Variants in CLCA2 observed in about 807,000 individuals in gnomAD.
CLCA2 encodes the protein chloride channel accessory 2.
In CLCA2, 85 loss-of-function variants were observed where a neutral mutation model predicts 82.9. That is an observed-to-expected ratio of 1.03 (90% CI 0.86 to 1.23). The LOEUF (loss-of-function observed/expected upper bound fraction) is 1.23, where lower values mean the gene tolerates loss of function less well. Among genes scored for constraint, CLCA2 ranks in the 50% most tolerant of loss-of-function variants. CLCA2 has a pLI of 0.00. For synonymous variants in CLCA2, 421 were observed against 391.7 expected (o/e 1.07, Z -0.88); for missense variants, 1,089 against 1,124.8 (o/e 0.97, Z 0.45).
At chr1:86,439,157 T>C in intron 7 of CLCA2, 51 bp downstream of exon 7, 1 of 1,553,334 alleles carries the variant, frequency 6.4e-7, no homozygotes, top group Non-Finnish European at 8.9e-7. Context: ...CCTTTCCCTC[T>C]TTTAGTATAC....
chr1:86,447,311 T>C (rs1662872049), intron 10 of CLCA2, among the ~76,000 whole-genome samples, 197 bp from the exon 11 acceptor site: 1 of 152,218 alleles, frequency 6.6e-6, no homozygotes, highest in Non-Finnish European at 1.5e-5. Context: ...AGGTGACTTA[T>C]GCTATGAAAG....
rs1662483944 is a variant in CLCA2, at chr1:86,430,870, T to C, written c.484T>C (p.Phe162Leu). The C allele has an allele frequency of 6.2e-7, 1 of 1,613,182 alleles. No homozygotes were observed. Among genetic ancestry groups the C allele is most frequent in the East Asian group, 2.2e-5 (1 of 44,862 alleles). Reference protein sequence around the residue: ...TAGYGSRGRVFVHEWAHLRWG... With the variant: ...TAGYGSRGRVLVHEWAHLRWG... Reference sequence around the variant, plus strand: ...AGTTCTTTCTTCCGCAGGCCGAGTGTTTGTCCATGAATGGGCCCACCTCCG... The same window carrying C: ...AGTTCTTTCTTCCGCAGGCCGAGTGCTTGTCCATGAATGGGCCCACCTCCG... The change falls in exon 4 of 14, where the codon TTT (phenylalanine) becomes CTT (leucine). Residue 162 changes from phenylalanine to leucine, a missense_variant. By Grantham distance (22) the Phe-to-Leu change is conservative. Transcript: ENST00000370565.
At chr1:86,437,200 C>T (rs1375542002) in intron 6 of CLCA2, among the ~76,000 whole-genome samples, 1 of 152,206 alleles carries the variant, frequency 6.6e-6, no homozygotes, top group Admixed American at 6.5e-5. Flanking sequence ...TTCCTGCCAA[C>T]AACGTCATTG....
intron 4 of CLCA2, among the ~76,000 whole-genome samples, chr1:86,431,219 C>A (rs191306038): frequency 4.8e-4 from 73 of 152,204 alleles, no homozygotes; most frequent in Non-Finnish European, 8.5e-4. Context: ...TTGCTTGCAG[C>A]ACTATCTTCA....
intron 10 of CLCA2, 60 bp from the exon 11 acceptor site, chr1:86,447,448 T>C (rs995370812): frequency 4.6e-5 from 71 of 1,557,918 alleles, no homozygotes; most frequent in Non-Finnish European, 5.8e-5. Context: ...TGATGTATGC[T>C]TTAAAATTAG....
intron 6 of CLCA2, among the ~76,000 whole-genome samples, chr1:86,435,728 T>TA (rs1662593757): frequency 1.3e-5 from 2 of 152,182 alleles, no homozygotes; most frequent in African/African-American, 4.8e-5. Context: ...AACCAGTAAT[T>TA]AAACATAGCT....
At chr1:86,442,848 C>T (rs919008836) in intron 9 of CLCA2, among the ~76,000 whole-genome samples, 4 of 152,150 alleles carry the variant, frequency 2.6e-5, no homozygotes, top group Non-Finnish European at 5.9e-5. Context: ...CGGCAAATTA[C>T]TTCTCTAAGC....
At chr1:86,447,942 T>C (rs1188563160) in intron 11 of CLCA2, among the ~76,000 whole-genome samples, 164 bp downstream of exon 11, 4 of 152,176 alleles carry the variant, frequency 2.6e-5, no homozygotes, top group African/African-American at 9.7e-5. Context: ...ACTGAATAGC[T>C]ACAGGTTAAC....
Position 86,438,899 on chromosome 1 carries a change from A to G in CLCA2, c.996A>G (p.Gln332=), listed in dbSNP as rs571913715. Residue 332 remains glutamine, a synonymous_variant, in exon 7 of 14, where the codon CAA becomes CAG. Transcript: ENST00000370565. ...MAEADRLLQL[Q]QAAEFYLMQI... is the part of the protein sequence containing the mutation. ...AGGCTGACAGACTCCTTCAACTACA[A>G]CAAGCCGCAGAATTTTATTTGATGC... 4 of 1,614,074 alleles carry G rather than the reference A, an allele frequency of 2.5e-6. No individual in the cohort carries two copies. The highest frequency in any genetic ancestry group is 2.7e-5 in the African/African-American group (2 of 75,032).
At chr1:86,430,371 G>C (rs1188057420) in intron 3 of CLCA2, among the ~76,000 whole-genome samples, 1 of 152,166 alleles carries the variant, frequency 6.6e-6, no homozygotes, top group African/African-American at 2.4e-5. Context: ...TCCTTCCCTA[G>C]CTCCTAGGTT....
chr1:86,443,299 G>T lies in CLCA2; in HGVS notation c.1489-488G>T, dbSNP rs539180830. Among the ~76,000 whole-genome samples, 155 of 152,288 alleles carry T rather than the reference G, an allele frequency of 1.0e-3. 1 individual carries two copies. The highest frequency in any genetic ancestry group is 3.7e-3 in the African/African-American group (152 of 41,560). ...TCGCCTTGGCCTCCCAAAGTGCTGG[G>T]ATTACAGGCATGAGCCACTGTGCCC... On this transcript the variant is annotated intron_variant, in intron 9 of 13. Transcript: ENST00000370565.
chr1:86,426,556 T>C (rs926568420), intron 2 of CLCA2, among the ~76,000 whole-genome samples: 1 of 152,132 alleles, frequency 6.6e-6, no homozygotes, highest in Non-Finnish European at 1.5e-5. Context: ...GTGGGGGAAC[T>C]GGGGTAAGCT....
Position 86,455,326 on chromosome 1 carries a change from T to C in CLCA2, c.2631T>C (p.Ala877=), listed in dbSNP as rs1250608086. Residue 877 remains alanine, a synonymous_variant, in exon 14 of 14, where the codon GCT becomes GCC. Coordinates refer to ENST00000370565, the MANE Select transcript of CLCA2 (RefSeq NM_006536.7). ...TGGATAGGAACTCCTTACAGTCTGC[T>C]GTATCTAACATTGCCCAGGCGCCTC... is the stretch of plus-strand genomic sequence containing the variant. ...RAMDRNSLQS[A]VSNIAQAPLF... 1.9e-6 allele frequency: 3 copies of C among 1,613,826 alleles called. No homozygotes were observed. The highest frequency in any genetic ancestry group is 2.5e-6 in the Non-Finnish European group (3 of 1,179,886).
chr1:86,434,251 A>G (rs149905140), intron 5 of CLCA2, among the ~76,000 whole-genome samples: 1 of 138,956 alleles, frequency 7.2e-6, no homozygotes, highest in African/African-American at 2.6e-5. Flanking sequence ...GTATATATAT[A>G]CACATACATG....
intron 6 of CLCA2, among the ~76,000 whole-genome samples, chr1:86,435,188 G>A (rs1312712437): frequency 6.6e-6 from 1 of 152,112 alleles, no homozygotes; most frequent in East Asian, 1.9e-4. Context: ...CTATTTTTTG[G>A]GGGTTGGGAG....
chr1:86,446,078 A>G (rs756813591), intron 10 of CLCA2, among the ~76,000 whole-genome samples: 1 of 152,142 alleles, frequency 6.6e-6, no homozygotes, highest in Non-Finnish European at 1.5e-5. Flanking sequence ...TCTTCAGTAT[A>G]GAGGATTTCA....
rs146255587 is a variant in CLCA2, at chr1:86,433,851, T to G, written c.745-667T>G. On this transcript the variant is annotated intron_variant, in intron 5 of 13. Coordinates refer to ENST00000370565, the MANE Select transcript of CLCA2 (RefSeq NM_006536.7). Reference sequence around the variant, plus strand: ...CTGTTAATGGGAAGTATCGACTCTTTGTAGGAATAGAGCCACTGGGAATAG... The same window carrying G: ...CTGTTAATGGGAAGTATCGACTCTTGGTAGGAATAGAGCCACTGGGAATAG... Among the ~76,000 whole-genome samples, 964 of 152,280 alleles carry G rather than the reference T, an allele frequency of 6.3e-3. 8 individuals carry two copies. The highest frequency in any genetic ancestry group is 0.022 in the African/African-American group (896 of 41,556).
Position 86,440,337 on chromosome 1 carries a change from T to C in CLCA2, c.1381+12T>C. 6.2e-7 allele frequency: 1 copy of C among 1,608,428 alleles called. No homozygotes were observed. Among genetic ancestry groups the C allele is most frequent in the Non-Finnish European group, 8.5e-7 (1 of 1,177,360 alleles). On this transcript the variant is annotated intron_variant, in intron 8 of 13. Transcript: ENST00000370565. ...ATCACGTCTTACAGGTAATAAACTT[T>C]TAAAAACTTATCTTTTGGAGCATGT...
chr1:86,439,345 T>A (rs779175789), intron 7 of CLCA2, among the ~76,000 whole-genome samples: 1 of 152,178 alleles, frequency 6.6e-6, no homozygotes, highest in Non-Finnish European at 1.5e-5. Context: ...GTTGACAGAA[T>A]AAGAAAATAA....
Sources: allele counts gnomAD v4.1 joint callset (sites outside exome capture counted in the v4.1 genomes callset), GRCh38; gene constraint gnomAD v4.1.1; transcripts MANE v1.5; gene names NCBI Gene and HGNC (gene_info 2026-07-23, HGNC 2026-07-21).